The following SHROOM3 variants were observed in gnomAD, a reference collection of about 807,000 sequenced individuals.
SHROOM3 encodes the protein shroom family member 3.
SHROOM3 carries 47 observed loss-of-function variants against 138.6 expected under a neutral mutation model. The ratio of observed to expected loss-of-function variants is 0.34; its 90% CI spans 0.27 to 0.43. The LOEUF (loss-of-function observed/expected upper bound fraction) is 0.43. SHROOM3 is among the 20% of genes least tolerant of loss of function. SHROOM3 has a pLI of 1.00. For synonymous variants in SHROOM3, 1,062 were observed against 1,063.3 expected, an observed-to-expected ratio of 1.00 and a Z score of 0.02; for missense variants, 2,491 against 2,596.5, an observed-to-expected ratio of 0.96 and a Z score of 0.88.
intron 2 of SHROOM3, among the ~76,000 whole-genome samples, chr4:76,568,378 C>T (rs967745606): frequency 3.9e-5 from 6 of 152,230 alleles, no homozygotes; most frequent in Admixed American, 1.3e-4. Flanking sequence ...CATCAAATAG[C>T]GTTAGTTATT....
chr4:76,443,345 C>T (rs1237001440), intron 1 of SHROOM3, among the ~76,000 whole-genome samples: 1 of 152,158 alleles, frequency 6.6e-6, no homozygotes, highest in Non-Finnish European at 1.5e-5. Flanking sequence ...GCAGGGGACA[C>T]AATTTATTTT....
chr4:76,738,733 G>T, intron 4 of SHROOM3, 28 bp from the exon 5 acceptor site: 2 of 1,612,968 alleles, frequency 1.2e-6, no homozygotes, highest in Admixed American at 1.7e-5. Context: ...ACAGCTCAGT[G>T]GTACTGACTG....
At chr4:76,745,486 C>G (rs866015501) in intron 5 of SHROOM3, among the ~76,000 whole-genome samples, 5 of 152,136 alleles carry the variant, frequency 3.3e-5, no homozygotes, top group Admixed American at 1.3e-4. Flanking sequence ...GGAAATTGCT[C>G]AATGCATGGA....
At chr4:76,773,234 G>T (rs1315991573) in intron 10 of SHROOM3, among the ~76,000 whole-genome samples, 1 of 151,886 alleles carries the variant, frequency 6.6e-6, no homozygotes, top group Non-Finnish European at 1.5e-5. Context: ...AATTAACCAG[G>T]TGTGTGGCGG....
chr4:76,581,304 A>G (rs1734049267), intron 2 of SHROOM3, among the ~76,000 whole-genome samples: 1 of 152,244 alleles, frequency 6.6e-6, no homozygotes, highest in African/African-American at 2.4e-5. Context: ...GAAAGAGAGA[A>G]AAAAGAACAG....
At chr4:76,573,592 G>A (rs542178597) in intron 2 of SHROOM3, 9 of 154,544 alleles carry the variant, frequency 5.8e-5, no homozygotes, top group Middle Eastern at 5.3e-4. Context: ...GAGAAGTGGT[G>A]AGCGCAGGTC....
chr4:76,718,121 T>C (rs1720428402), intron 3 of SHROOM3, among the ~76,000 whole-genome samples: 1 of 152,190 alleles, frequency 6.6e-6, no homozygotes, highest in Non-Finnish European at 1.5e-5. Flanking sequence ...CATTTTATTA[T>C]TACACCATGT....
At chr4:76,516,089 C>T (rs1475597905) in intron 1 of SHROOM3, among the ~76,000 whole-genome samples, 3 of 152,054 alleles carry the variant, frequency 2.0e-5, no homozygotes, top group African/African-American at 7.3e-5. Flanking sequence ...AGCAGTAGAC[C>T]GAGAGGGAAA....
intron 1 of SHROOM3, among the ~76,000 whole-genome samples, chr4:76,508,100 T>G (rs1231038857): frequency 1.3e-5 from 2 of 152,206 alleles, no homozygotes; most frequent in Non-Finnish European, 2.9e-5. Flanking sequence ...TTATTACTTG[T>G]GCTTTTGTAA....
At position 76,755,136 on chromosome 4, in the gene SHROOM3, C is replaced by T; in HGVS notation, c.4653C>T (p.Pro1551=). The T allele has an allele frequency of 6.2e-7, 1 of 1,613,200 alleles. No homozygotes were observed. The highest frequency in any genetic ancestry group is 8.5e-7 in the Non-Finnish European group (1 of 1,179,582). The part of the protein sequence containing the change: ...YSMDDFPPPP[P]HTVCEAQLDS... ...TGGATGACTTCCCTCCACCTCCTCC[C>T]CACACTGTATGTGAGGCGCAGCTGG... Residue 1551 remains proline, a synonymous_variant, in exon 7 of 11, where the codon CCC becomes CCT. Transcript: ENST00000296043.
intron 2 of SHROOM3, among the ~76,000 whole-genome samples, chr4:76,613,520 C>T (rs1734807398): frequency 6.6e-6 from 1 of 152,156 alleles, no homozygotes. Context: ...TCATTAACAC[C>T]TCCTTTGCTT....
chr4:76,720,065 C>T (rs1720489891), intron 3 of SHROOM3, among the ~76,000 whole-genome samples: 1 of 150,806 alleles, frequency 6.6e-6, no homozygotes, highest in Non-Finnish European at 1.5e-5. Flanking sequence ...TTACCTAATG[C>T]ATACCTTTCT....
At position 76,779,775 on chromosome 4, in the gene SHROOM3, A is replaced by G. The variant is rs1319712340; in HGVS notation, c.*598A>G. ...TGTATTTTGTGAAAACCTTAATGAA[A>G]TGAATTCCAAAGATAGTCACGTTGA... On this transcript the variant is annotated 3_prime_UTR_variant, in exon 11 of 11. Coordinates refer to ENST00000296043, the MANE Select transcript of SHROOM3 (RefSeq NM_020859.4). The G allele has an allele frequency of 6.5e-6, 1 of 152,956 alleles. No individual in the cohort carries two copies. The highest frequency in any genetic ancestry group is 1.5e-5 in the Non-Finnish European group (1 of 68,274). 9.5% of individuals were successfully genotyped at this position (152,956 alleles called of 1,614,324 possible).
Position 76,550,339 on chromosome 4 carries a change from G to C in SHROOM3, c.169-5270G>C, listed in dbSNP as rs1437854861. On this transcript the variant is annotated intron_variant, in intron 1 of 10. Transcript: ENST00000296043. ...TTCACCAAGTTTCTGACCTCAAAGA[G>C]TTTAGGACCTAGAAGAGCAGATAGG... is the stretch of plus-strand genomic sequence containing the variant. 2.0e-5 allele frequency among the ~76,000 whole-genome samples: 3 copies of C among 152,158 alleles called. 1 individual carries two copies. The South Asian group carries it at 6.2e-4, about 32-fold the overall frequency.
At position 76,477,962 on chromosome 4, in the gene SHROOM3, C is replaced by T. The variant is rs1731523738; in HGVS notation, c.168+41742C>T. Among the ~76,000 whole-genome samples the T allele has an allele frequency of 2.0e-5, 3 of 152,196 alleles. No homozygotes were observed. In the South Asian group the frequency reaches 6.2e-4, roughly 32 times the overall value. ...TTCTGGCCCAGACATTATGCTTTTC[C>T]CATGGTCTTTGCAACCCACAGACCA... On this transcript the variant is annotated intron_variant, in intron 1 of 10. Coordinates refer to ENST00000296043, the MANE Select transcript of SHROOM3 (RefSeq NM_020859.4).
At position 76,555,634 on chromosome 4, in the gene SHROOM3, C is replaced by T. The variant is rs1733468558; in HGVS notation, c.194C>T (p.Thr65Ile). Reference sequence around the variant, plus strand: ...GTCGAAGAAGGGGGCAAAGCAGACACCCTGAGCTCCAAACTGCAGGCTGGG... The same window carrying T: ...GTCGAAGAAGGGGGCAAAGCAGACATCCTGAGCTCCAAACTGCAGGCTGGG... The part of the protein sequence containing the change: ...SKVEEGGKAD[T>I]LSSKLQAGDE... The change falls in exon 2 of 11, where the codon ACC becomes ATC. Residue 65 changes from threonine to isoleucine, a missense_variant. Physicochemically the swap from Thr to Ile is moderately conservative, Grantham distance 89. Around this residue, in one of 4 missense-constraint regions of SHROOM3, gnomAD observed 284 missense variants for 322.8 expected, o/e 0.88. Transcript: ENST00000296043. 6.8e-6 allele frequency: 11 copies of T among 1,613,904 alleles called. No individual in the cohort carries two copies. Among genetic ancestry groups the T allele is most frequent in the Non-Finnish European group, 9.3e-6 (11 of 1,180,016 alleles).
At chr4:76,704,437 C>T (rs1028554406) in intron 2 of SHROOM3, among the ~76,000 whole-genome samples, 4 of 152,208 alleles carry the variant, frequency 2.6e-5, no homozygotes, top group African/African-American at 9.7e-5. Flanking sequence ...AGAGTATTTG[C>T]ATTAGATAAG....
intron 2 of SHROOM3, chr4:76,638,942 C>A (rs1735580308): frequency 6.6e-6 from 1 of 152,230 alleles, no homozygotes; most frequent in East Asian, 1.9e-4. Flanking sequence ...AGTGACCTAA[C>A]CTCTTGGGAA....
At chr4:76,733,160 G>A (rs1224783713) in intron 4 of SHROOM3, among the ~76,000 whole-genome samples, 1 of 152,198 alleles carries the variant, frequency 6.6e-6, no homozygotes, top group African/African-American at 2.4e-5. Flanking sequence ...CCCTTCAGCA[G>A]AGATAAGCAC....
Sources: gnomAD v4.1 joint callset for allele counts (sites outside exome capture counted in the v4.1 genomes callset) on GRCh38, gnomAD v4.1.1 for gene constraint, gnomAD v4.1.1 regional missense constraint, MANE v1.5 for transcripts, NCBI Gene and HGNC (gene_info 2026-07-23, HGNC 2026-07-21) for gene names.